LPA: variants seen among roughly 807,000 people sequenced by gnomAD.
LPA encodes lipoprotein(a).
LPA carries 199 observed loss-of-function variants against 197.9 expected under a neutral mutation model. That is an observed-to-expected ratio of 1.01 (90% CI 0.90 to 1.13). LPA has a LOEUF of 1.13. Among genes scored for constraint, LPA ranks in the 50% most tolerant of loss-of-function variants. The pLI, the probability that LPA is intolerant of heterozygous loss-of-function variation, is 0.00. For missense variants in LPA, 1,853 were observed against 1,785.8 expected (o/e 1.04, Z -0.68); for synonymous variants, 715 against 639.5 (o/e 1.12, Z -1.78).
At chr6:160,554,202 T>C (rs1778217941) in intron 30 of LPA, among the ~76,000 whole-genome samples, 1 of 152,186 alleles carries the variant, frequency 6.6e-6, no homozygotes, top group African/African-American at 2.4e-5. Flanking sequence ...TTGAACACAA[T>C]TATCATATAT....
intron 25 of LPA, 110 bp downstream of exon 25, chr6:160,586,339 T>A (rs2115039413): frequency 1.5e-6 from 2 of 1,319,180 alleles, no homozygotes; most frequent in Non-Finnish European, 2.1e-6. Context: ...TGTCCATGAC[T>A]TCACCTTCGA....
chr6:160,600,797 G>C, intron 19 of LPA, 120 bp downstream of exon 19: 1 of 1,162,812 alleles, frequency 8.6e-7, no homozygotes, highest in Middle Eastern at 2.8e-4. Context: ...CTCCCACATG[G>C]CAGACCCAGA....
At chr6:160,589,475 G>T in intron 24 of LPA, 78 bp downstream of exon 24, 1 of 1,558,766 alleles carries the variant, frequency 6.4e-7, no homozygotes, top group South Asian at 1.1e-5. Context: ...GTCATAAGAA[G>T]TTAGCTGGAA....
In LPA at chr6:160,587,821, G is replaced by C. The variant is rs564769309; in HGVS notation, c.3948-1191C>G. 6.0e-4 allele frequency among the ~76,000 whole-genome samples: 91 copies of C among 150,580 alleles called. 5 individuals are homozygous for C. The South Asian group carries it at 0.018, about 30-fold the overall frequency. On this transcript the variant is annotated intron_variant, in intron 24 of 38. Transcript: ENST00000316300. ...TGTGTTTCTGTCTGTTGGTCTGTCTGTCTGTCCTGTGATTTGTGTAGCTCC... is the reference window on the plus strand; with the variant it reads ...TGTGTTTCTGTCTGTTGGTCTGTCTCTCTGTCCTGTGATTTGTGTAGCTCC...
intron 36 of LPA, among the ~76,000 whole-genome samples, chr6:160,538,828 G>A (rs941334017): frequency 3.3e-5 from 5 of 152,028 alleles, no homozygotes; most frequent in African/African-American, 1.2e-4. Flanking sequence ...AACTCAAAAC[G>A]TATCAGCCTA....
intron 26 of LPA, among the ~76,000 whole-genome samples, chr6:160,582,085 G>A (rs1303813744): frequency 6.6e-6 from 1 of 152,026 alleles, no homozygotes; most frequent in Non-Finnish European, 1.5e-5. Flanking sequence ...TTTTTAGGAG[G>A]ACAGAATATG....
chr6:160,634,941 T>A (rs1196228587), intron 7 of LPA, among the ~76,000 whole-genome samples, 182 bp downstream of exon 7: 1 of 150,162 alleles, frequency 6.7e-6, no homozygotes, highest in African/African-American at 2.5e-5. Flanking sequence ...CCCACCCAAG[T>A]TGCACCAGAA....
intron 16 of LPA, among the ~76,000 whole-genome samples, chr6:160,607,538 A>G (rs1166607702): frequency 6.6e-6 from 1 of 152,100 alleles, no homozygotes; most frequent in Non-Finnish European, 1.5e-5. Context: ...TTAGGGGGCA[A>G]AGCAGGTAGG....
At position 160,551,316 on chromosome 6, in the gene LPA, G is replaced by A. The variant is rs764478495; in HGVS notation, c.4974-2657C>T. 5.3e-5 allele frequency among the ~76,000 whole-genome samples: 8 copies of A among 152,156 alleles called. No individual in the cohort carries two copies. The South Asian group carries it at 8.3e-4, about 16-fold the overall frequency. On this transcript the variant is annotated intron_variant, in intron 30 of 38. Coordinates refer to ENST00000316300, the MANE Select transcript of LPA (RefSeq NM_005577.4). ...TGAGATACTGGACATTTTTTCAGGT[G>A]CTTATTGGCTATGTGTACATCTATC... is the stretch of plus-strand genomic sequence containing the variant.
intron 30 of LPA, among the ~76,000 whole-genome samples, chr6:160,548,862 T>C (rs1004986129): frequency 1.3e-5 from 2 of 152,328 alleles, no homozygotes; most frequent in Admixed American, 1.3e-4. Flanking sequence ...TAATTTTTAT[T>C]TTAAAATATC....
intron 28 of LPA, among the ~76,000 whole-genome samples, chr6:160,566,163 T>C (rs1778450596): frequency 6.6e-6 from 1 of 152,026 alleles, no homozygotes; most frequent in Non-Finnish European, 1.5e-5. Context: ...AACATTCAAA[T>C]TCAGGAAATA....
chr6:160,557,993 C>T lies in LPA; in HGVS notation c.4632-422G>A, dbSNP rs186333276. Among the ~76,000 whole-genome samples, 9 of 151,608 alleles carry T rather than the reference C, an allele frequency of 5.9e-5. No individual in the cohort carries two copies. In the South Asian group the frequency reaches 8.3e-4, roughly 14 times the overall value. On this transcript the variant is annotated intron_variant, in intron 28 of 38. Transcript: ENST00000316300. ...GGAGTGCAGTGGCGCAATCTCGGCT[C>T]ACTGCAAGGTCTGCCTCCTGGGTTC...
At chr6:160,560,489 G>A (rs550678991) in intron 28 of LPA, among the ~76,000 whole-genome samples, 4 of 152,158 alleles carry the variant, frequency 2.6e-5, no homozygotes, top group East Asian at 1.9e-4. Context: ...CCATTCTAAC[G>A]GGCATGAGAT....
chr6:160,591,252 C>A (rs1039460889), intron 22 of LPA, 151 bp from the exon 23 acceptor site: 2 of 994,836 alleles, frequency 2.0e-6, no homozygotes, highest in South Asian at 2.9e-5. Context: ...TCGTCCTCAA[C>A]TTCTAAACAA....
chr6:160,584,662 A>G (rs750951483), intron 26 of LPA, among the ~76,000 whole-genome samples: 2 of 152,116 alleles, frequency 1.3e-5, no homozygotes, highest in Non-Finnish European at 2.9e-5. Flanking sequence ...CGTGTCAAAA[A>G]TGGCAAACAC....
chr6:160,560,936 G>A (rs1213721822), intron 28 of LPA, among the ~76,000 whole-genome samples: 3 of 151,810 alleles, frequency 2.0e-5, no homozygotes, highest in Non-Finnish European at 4.4e-5. Context: ...TTTTGATGGA[G>A]TCTCACTCTG....
At chr6:160,649,925 C>T (rs897143819) in intron 2 of LPA, among the ~76,000 whole-genome samples, 4 of 152,192 alleles carry the variant, frequency 2.6e-5, no homozygotes, top group Admixed American at 1.3e-4. Flanking sequence ...ATAGATTCGC[C>T]TTTCCATAGA....
chr6:160,647,977 G>A (rs1309072731), intron 2 of LPA, among the ~76,000 whole-genome samples: 3 of 152,046 alleles, frequency 2.0e-5, no homozygotes, highest in African/African-American at 7.2e-5. Flanking sequence ...AATTCCTTAG[G>A]GTCACCTCTT....
intron 2 of LPA, among the ~76,000 whole-genome samples, chr6:160,647,011 C>T (rs1207285702): frequency 6.6e-6 from 1 of 152,112 alleles, no homozygotes; most frequent in African/African-American, 2.4e-5. Flanking sequence ...CATATCATGT[C>T]GGTCAAGTAG....
Sources: gnomAD v4.1 joint callset for allele counts (sites outside exome capture counted in the v4.1 genomes callset) on GRCh38, gnomAD v4.1.1 for gene constraint, MANE v1.5 for transcripts, NCBI Gene and HGNC (gene_info 2026-07-23, HGNC 2026-07-21) for gene names.